The following SEMA6D variants were observed in gnomAD, a reference collection of about 807,000 sequenced individuals.
SEMA6D encodes semaphorin 6D.
A neutral mutation model predicts 106.6 loss-of-function variants in SEMA6D; 35 were observed. That is an observed-to-expected ratio of 0.33 (90% CI 0.25 to 0.44). The LOEUF is 0.44. Among genes scored for constraint, SEMA6D ranks in the 20% least tolerant of loss-of-function variants. SEMA6D has a pLI of 1.00. For synonymous variants in SEMA6D, 499 were observed against 487.7 expected, an observed-to-expected ratio of 1.02 and a Z score of -0.31; for missense variants, 1,185 against 1,345.9, an observed-to-expected ratio of 0.88 and a Z score of 1.87.
intron 1 of SEMA6D, among the ~76,000 whole-genome samples, chr15:47,209,494 A>G (rs1382082598): frequency 6.6e-6 from 1 of 152,218 alleles, no homozygotes; most frequent in African/African-American, 2.4e-5. Flanking sequence ...GTTCAGTGAA[A>G]AGTAATGCCC....
intron 1 of SEMA6D, among the ~76,000 whole-genome samples, chr15:47,353,451 C>G (rs190553744): frequency 3.3e-5 from 5 of 152,142 alleles, no homozygotes; most frequent in Non-Finnish European, 5.9e-5. Flanking sequence ...GTTGCACATT[C>G]CTTGCTTTCT....
At chr15:47,602,430 A>G (rs1446562075) in intron 4 of SEMA6D, among the ~76,000 whole-genome samples, 1 of 152,148 alleles carries the variant, frequency 6.6e-6, no homozygotes, top group Non-Finnish European at 1.5e-5. Flanking sequence ...TAAGGATGTG[A>G]TTAGAATTCT....
chr15:47,403,411 A>T (rs1246493696), intron 1 of SEMA6D, among the ~76,000 whole-genome samples: 2 of 152,218 alleles, frequency 1.3e-5, no homozygotes, highest in African/African-American at 4.8e-5. Flanking sequence ...GAATATGAAC[A>T]GGGTATCATC....
chr15:47,353,513 C>T lies in SEMA6D; in HGVS notation c.-238-58880C>T, dbSNP rs867677139. Among the ~76,000 whole-genome samples, 5 of 152,296 alleles carry T rather than the reference C, an allele frequency of 3.3e-5. No homozygotes were observed. The South Asian group carries it at 8.3e-4, about 25-fold the overall frequency. The stretch of plus-strand genomic sequence containing the variant: ...CCATTGGGAATGTGTCAACTAAGGT[C>T]ATACGTTACCTTCTTCCTGAAGAAT... On this transcript the variant is annotated intron_variant, in intron 1 of 19. Coordinates refer to the SEMA6D transcript ENST00000558014.
intron 1 of SEMA6D, among the ~76,000 whole-genome samples, chr15:47,372,468 T>C (rs568069539): frequency 1.3e-5 from 2 of 152,352 alleles, no homozygotes; most frequent in South Asian, 4.1e-4. Flanking sequence ...AAGCAGAAGC[T>C]GTCTCCATAT....
At chr15:47,393,971 A>C (rs1314751032) in intron 1 of SEMA6D, among the ~76,000 whole-genome samples, 1 of 152,148 alleles carries the variant, frequency 6.6e-6, no homozygotes, top group African/African-American at 2.4e-5. Context: ...GAGGTTGAGC[A>C]AATTTCTTAA....
chr15:47,248,670 T>TA (rs2033337133), intron 1 of SEMA6D, among the ~76,000 whole-genome samples: 1 of 152,232 alleles, frequency 6.6e-6, no homozygotes, highest in Non-Finnish European at 1.5e-5. Flanking sequence ...AGCTCTCAGA[T>TA]ACTTAGAGTT....
chr15:47,377,244 G>A (rs1265590548), intron 1 of SEMA6D, among the ~76,000 whole-genome samples: 1 of 152,190 alleles, frequency 6.6e-6, no homozygotes. Flanking sequence ...TTTACATGGT[G>A]ATAATAAATT....
intron 3 of SEMA6D, among the ~76,000 whole-genome samples, chr15:47,575,585 G>A (rs377456455): frequency 5.9e-5 from 9 of 152,150 alleles, no homozygotes; most frequent in African/African-American, 2.2e-4. Flanking sequence ...TGGGCATGGT[G>A]GCATACGCCT....
At chr15:47,484,002 C>T (rs1391069215) in intron 3 of SEMA6D, among the ~76,000 whole-genome samples, 2 of 152,232 alleles carry the variant, frequency 1.3e-5, no homozygotes, top group African/African-American at 4.8e-5. Context: ...TCTTAAAGAG[C>T]ACTTCATGTT....
chr15:47,628,121 T>G (rs901060006), intron 4 of SEMA6D, among the ~76,000 whole-genome samples: 8 of 152,096 alleles, frequency 5.3e-5, no homozygotes, highest in Admixed American at 2.6e-4. Context: ...TACCATGGAT[T>G]GTTTAACCAT....
chr15:47,496,544 G>A (rs1012977546), intron 3 of SEMA6D, among the ~76,000 whole-genome samples: 22 of 151,912 alleles, frequency 1.4e-4, no homozygotes, highest in African/African-American at 4.1e-4. Context: ...TTCTACCTCC[G>A]ATACCAATGA....
chr15:47,415,697 A>G (rs1287903672), intron 2 of SEMA6D, among the ~76,000 whole-genome samples: 1 of 152,158 alleles, frequency 6.6e-6, no homozygotes, highest in African/African-American at 2.4e-5. Flanking sequence ...ACTCTGTTTC[A>G]TTACAAATGT....
At chr15:47,708,692 C>G (rs1335369449) in intron 4 of SEMA6D, among the ~76,000 whole-genome samples, 3 of 152,202 alleles carry the variant, frequency 2.0e-5, no homozygotes, top group Non-Finnish European at 4.4e-5. Flanking sequence ...TTCCCTCTCT[C>G]AGGGAGCTCT....
intron 4 of SEMA6D, among the ~76,000 whole-genome samples, chr15:47,660,033 AT>A (rs558755131): frequency 2.3e-4 from 34 of 148,494 alleles, no homozygotes; most frequent in Admixed American, 8.1e-4. Flanking sequence ...ATAGGACTCC[AT>A]TTTTTTTTTG....
intron 1 of SEMA6D, among the ~76,000 whole-genome samples, chr15:47,207,675 C>G (rs1018710066): frequency 9.9e-5 from 15 of 152,056 alleles, no homozygotes; most frequent in African/African-American, 2.9e-4. Flanking sequence ...ATTTGTCTTT[C>G]CTCCTCTTCT....
intron 1 of SEMA6D, among the ~76,000 whole-genome samples, chr15:47,320,556 G>T (rs1443341558): frequency 1.3e-5 from 2 of 152,100 alleles, no homozygotes; most frequent in Non-Finnish European, 2.9e-5. Context: ...TTTTCCAGCT[G>T]TAACTTCTGC....
At position 47,772,024 on chromosome 15, in the gene SEMA6D, A is replaced by G. The variant is rs2082650988; in HGVS notation, c.*239A>G. The G allele has an allele frequency of 1.9e-6, 1 of 516,056 alleles. No individual in the cohort carries two copies. Among genetic ancestry groups the G allele is most frequent in the Non-Finnish European group, 3.4e-6 (1 of 290,560 alleles). The allele number at this position is 516,056 out of a possible 1,614,324, so 32.0% of individuals were successfully genotyped here. On this transcript the variant is annotated 3_prime_UTR_variant, in exon 19 of 19. Transcript: ENST00000536845. Reference sequence around the variant, plus strand: ...TGGTCATTCCATTTCTTTTGTTTGAAGCTAAAGAGATGTGTAGCTCACAGG... The same window carrying G: ...TGGTCATTCCATTTCTTTTGTTTGAGGCTAAAGAGATGTGTAGCTCACAGG...
intron 1 of SEMA6D, among the ~76,000 whole-genome samples, chr15:47,325,798 TATTTC>T (rs903400933): frequency 1.3e-5 from 2 of 152,244 alleles, no homozygotes; most frequent in African/African-American, 2.4e-5. Context: ...TACATATTGA[TATTTC>T]ATTTGCCTTT....
Sources: gnomAD v4.1 joint callset for allele counts (sites outside exome capture counted in the v4.1 genomes callset) on GRCh38, gnomAD v4.1.1 for gene constraint, MANE v1.5 for transcripts, NCBI Gene and HGNC (gene_info 2026-07-23, HGNC 2026-07-21) for gene names.